Variants in UCHL3 observed in about 807,000 individuals in gnomAD.
The protein encoded by UCHL3 is ubiquitin C-terminal hydrolase L3.
UCHL3 carries 22 observed loss-of-function variants against 35.8 expected under a neutral mutation model. The ratio of observed to expected loss-of-function variants is 0.61; its 90% CI spans 0.44 to 0.88. The LOEUF (loss-of-function observed/expected upper bound fraction) is 0.88. Ranked by LOEUF, UCHL3 falls within the 40% of genes least tolerant of loss-of-function variation. The pLI is 0.00. For missense variants in UCHL3, 229 were observed against 276.9 expected (o/e 0.83, Z 1.23); for synonymous variants, 90 against 92.8 (o/e 0.97, Z 0.17).
At chr13:75,585,353 C>T (rs2032295246) in intron 6 of UCHL3, among the ~76,000 whole-genome samples, 1 of 152,166 alleles carries the variant, frequency 6.6e-6, no homozygotes, top group Admixed American at 6.5e-5. Flanking sequence ...ATAAGAATTA[C>T]AGCAGACTCC....
At chr13:75,583,979 C>CT (rs1469479398) in intron 6 of UCHL3, among the ~76,000 whole-genome samples, 2 of 152,160 alleles carry the variant, frequency 1.3e-5, no homozygotes, top group South Asian at 2.1e-4. Context: ...GGGAGAGAAT[C>CT]TTTAAGTGCA....
At position 75,560,788 on chromosome 13, in the gene UCHL3, A is replaced by G. The variant is rs953704054; in HGVS notation, c.90A>G (p.Gln30=). The G allele has an allele frequency of 1.2e-6, 2 of 1,602,288 alleles. No individual in the cohort carries two copies. Among genetic ancestry groups the G allele is most frequent in the African/African-American group, 1.4e-5 (1 of 73,772 alleles). ...AATTAGGTCTACATCCTAACTGGCA[A>G]TTCGTTGATGTATATGGAATGGATC... The part of the protein sequence containing the change: ...LKQLGLHPNW[Q]FVDVYGMDPE... The change falls in exon 3 of 9, where the codon CAA becomes CAG. Residue 30 remains glutamine, a synonymous_variant. Transcript: ENST00000377595.
intron 6 of UCHL3, among the ~76,000 whole-genome samples, chr13:75,577,205 A>G (rs1256074743): frequency 6.6e-6 from 1 of 152,164 alleles, no homozygotes; most frequent in East Asian, 1.9e-4. Flanking sequence ...AGCTGTGATC[A>G]TGCTGCTGCA....
intron 7 of UCHL3, among the ~76,000 whole-genome samples, chr13:75,597,236 T>C (rs1036927552): frequency 7.9e-5 from 12 of 152,192 alleles, no homozygotes; most frequent in African/African-American, 2.7e-4. Context: ...TGTGTTCCTG[T>C]AGTCCCACTT....
intron 7 of UCHL3, among the ~76,000 whole-genome samples, chr13:75,598,498 T>C (rs4632012): frequency 0.99 from 151,148 of 152,312 alleles, 75,007 homozygotes; most frequent in Middle Eastern, 1. Flanking sequence ...TTCTTTGTCT[T>C]CTTTAATCTG....
chr13:75,599,375 A>G (rs2032722734), intron 7 of UCHL3, among the ~76,000 whole-genome samples: 1 of 152,196 alleles, frequency 6.6e-6, no homozygotes, highest in African/African-American at 2.4e-5. Flanking sequence ...CATTTTAAGG[A>G]TAGTAATAAT....
intron 3 of UCHL3, among the ~76,000 whole-genome samples, chr13:75,562,737 A>C (rs926118723): frequency 6.6e-6 from 1 of 152,188 alleles, no homozygotes; most frequent in African/African-American, 2.4e-5. Flanking sequence ...GATTTAATTT[A>C]GTAGATTATC....
At chr13:75,575,868 C>T (rs998237840) in intron 6 of UCHL3, among the ~76,000 whole-genome samples, 1 of 152,156 alleles carries the variant, frequency 6.6e-6, no homozygotes, top group African/African-American at 2.4e-5. Context: ...TCCCCTGCCT[C>T]AGCCTCCCAA....
rs569637532 is a variant in UCHL3 at position 75,570,787 on chromosome 13, C to T, written c.474+1280C>T. Reference sequence around the variant, plus strand: ...TAGCCAGGTGTGGTGGTGCATGCACCTGTAGCACTAGCTACTAGGGAGGCT... The same window carrying T: ...TAGCCAGGTGTGGTGGTGCATGCACTTGTAGCACTAGCTACTAGGGAGGCT... On this transcript the variant is annotated intron_variant, in intron 6 of 8. Transcript: ENST00000377595. Among the ~76,000 whole-genome samples, 15 of 152,210 alleles carry T rather than the reference C, an allele frequency of 9.9e-5. No homozygotes were observed. In the South Asian group the frequency reaches 2.7e-3, roughly 27 times the overall value.
At chr13:75,570,361 G>T (rs1232759884) in intron 6 of UCHL3, among the ~76,000 whole-genome samples, 2 of 151,814 alleles carry the variant, frequency 1.3e-5, no homozygotes, top group South Asian at 2.1e-4. Context: ...TCAGCCTCCC[G>T]AGTCGCTGGA....
At chr13:75,605,234 G>C (rs73223982) in intron 8 of UCHL3, among the ~76,000 whole-genome samples, 1 of 152,172 alleles carries the variant, frequency 6.6e-6, no homozygotes, top group Admixed American at 6.5e-5. Flanking sequence ...ACGGCCAGGC[G>C]TAGTGGCTCA....
chr13:75,577,029 C>T (rs751584091), intron 6 of UCHL3, among the ~76,000 whole-genome samples: 77 of 152,106 alleles, frequency 5.1e-4, no homozygotes, highest in Non-Finnish European at 6.5e-4. Context: ...AAGGGAGGAT[C>T]GCTTGAGGCC....
intron 2 of UCHL3, 149 bp from the exon 3 acceptor site, chr13:75,560,604 A>G: frequency 1.4e-6 from 1 of 706,534 alleles, no homozygotes; most frequent in Non-Finnish European, 2.2e-6. Context: ...ACTGAATGTC[A>G]GTTACATTTG....
At chr13:75,549,567 T>C (rs1299427951), upstream of UCHL3, 2 of 459,404 alleles carry the variant, frequency 4.4e-6, no homozygotes, top group Non-Finnish European at 7.6e-6. Flanking sequence ...TCAGATACTG[T>C]TTTTCTCCCG....
At chr13:75,599,772 C>G (rs905838086) in intron 7 of UCHL3, among the ~76,000 whole-genome samples, 2 of 152,084 alleles carry the variant, frequency 1.3e-5, no homozygotes, top group African/African-American at 4.8e-5. Flanking sequence ...TGAAATGAGG[C>G]CAGATAATAA....
chr13:75,588,323 A>G lies in UCHL3; in HGVS notation c.475-6592A>G, dbSNP rs147010594. Among the ~76,000 whole-genome samples, 597 of 151,986 alleles carry G rather than the reference A, an allele frequency of 3.9e-3. 2 individuals carry two copies. The highest frequency in any genetic ancestry group is 0.011 in the Admixed American group (171 of 15,268). On this transcript the variant is annotated intron_variant, in intron 6 of 8. Coordinates refer to ENST00000377595, the MANE Select transcript of UCHL3 (RefSeq NM_006002.5). ...TTTTTTTCTCCACTATTTATTAGTC[A>G]CCTCTCCTTCTATCTCTTCCTTTAC...
intron 2 of UCHL3, among the ~76,000 whole-genome samples, chr13:75,556,067 C>A (rs2031283830): frequency 6.6e-6 from 1 of 152,170 alleles, no homozygotes; most frequent in African/African-American, 2.4e-5. Flanking sequence ...ATAAAATATG[C>A]CTCCTATAGG....
intron 7 of UCHL3, among the ~76,000 whole-genome samples, chr13:75,596,295 T>C (rs2032644551): frequency 1.3e-5 from 2 of 152,246 alleles, no homozygotes; most frequent in African/African-American, 4.8e-5. Flanking sequence ...ATTTGAGGAG[T>C]AATAAAACTT....
chr13:75,576,170 G>A (rs1472541548), intron 6 of UCHL3, among the ~76,000 whole-genome samples: 1 of 152,184 alleles, frequency 6.6e-6, no homozygotes, highest in Non-Finnish European at 1.5e-5. Flanking sequence ...CAGATTGTGT[G>A]AGAAATAGTA....
Sources: gnomAD v4.1 joint callset for allele counts (sites outside exome capture counted in the v4.1 genomes callset) on GRCh38, gnomAD v4.1.1 for gene constraint, MANE v1.5 for transcripts, NCBI Gene and HGNC (gene_info 2026-07-23, HGNC 2026-07-21) for gene names.